DLST: variants seen among roughly 807,000 people sequenced by gnomAD.
DLST encodes dihydrolipoyllysine-residue succinyltransferase component of 2-oxoglutarate dehydrogenase complex, mitochondrial.
In DLST, 17 loss-of-function variants were observed where a neutral mutation model predicts 53.1. That is an observed-to-expected ratio of 0.32 (90% CI 0.22 to 0.48). The LOEUF (loss-of-function observed/expected upper bound fraction) is 0.48, where lower values mean the gene tolerates loss of function less well. Ranked by LOEUF, DLST falls within the 20% of genes least tolerant of loss-of-function variation. The probability of loss-of-function intolerance (pLI) is 0.99; values close to 1 mark genes in which losing one functional copy is unlikely to be tolerated. For missense variants in DLST, 512 were observed against 583.9 expected, an observed-to-expected ratio of 0.88 and a Z score of 1.27; for synonymous variants, 206 against 204.8, an observed-to-expected ratio of 1.01 and a Z score of -0.05.
chr14:74,886,179 C>T (rs922511951), intron 3 of DLST, among the ~76,000 whole-genome samples: 2 of 152,332 alleles, frequency 1.3e-5, no homozygotes, highest in Non-Finnish European at 2.9e-5. Context: ...TGCTGCTTTG[C>T]ATTCCAAGTG....
intron 9 of DLST, 125 bp from the exon 10 acceptor site, chr14:74,894,187 C>A: frequency 9.1e-7 from 1 of 1,098,848 alleles, no homozygotes; most frequent in Non-Finnish European, 1.3e-6. Flanking sequence ...GCCTGGAGCT[C>A]GTGTACTTAG....
chr14:74,901,523 A>G (rs921708610), intron 14 of DLST, among the ~76,000 whole-genome samples: 1 of 152,198 alleles, frequency 6.6e-6, no homozygotes, highest in African/African-American at 2.4e-5. Context: ...GTTTGCTTCT[A>G]TGGAGTGGGG....
chr14:74,896,111 G>A (rs1884071932), intron 10 of DLST, among the ~76,000 whole-genome samples: 1 of 152,030 alleles, frequency 6.6e-6, no homozygotes, highest in African/African-American at 2.4e-5. Flanking sequence ...CTCCTGCTTT[G>A]GTCTCCCACT....
At chr14:74,882,532 A>G in intron 1 of DLST, 59 bp from the exon 2 acceptor site, 1 of 1,585,098 alleles carries the variant, frequency 6.3e-7, no homozygotes, top group Non-Finnish European at 8.7e-7. Flanking sequence ...TACTTAAAAG[A>G]AAAAGCTGGG....
intron 3 of DLST, among the ~76,000 whole-genome samples, chr14:74,888,274 G>GTTTTTTTTTTTTTTTTTTT (rs55729619): frequency 7.6e-6 from 1 of 131,738 alleles, no homozygotes. Context: ...TTGTTTTTGG[G>GTTTTTTTTTTTTTTTTTTT]TTTTTTTTTT....
In DLST at chr14:74,902,305, C is replaced by T; in HGVS notation, c.1337C>T (p.Pro446Leu). The T allele has an allele frequency of 6.2e-7, 1 of 1,612,224 alleles. No individual in the cohort carries two copies. Among genetic ancestry groups the T allele is most frequent in the Non-Finnish European group, 8.5e-7 (1 of 1,179,362 alleles). ...LRKIKAAVED[P>L]RVLLLDL ...AAAATCAAGGCAGCGGTAGAGGATC[C>T]CAGAGTCCTCCTCCTGGATCTTTAG... The change falls in exon 15 of 15, where the codon CCC becomes CTC. Residue 446 changes from proline to leucine, a missense_variant. Physicochemically the swap from Pro to Leu is moderately conservative, Grantham distance 98. Transcript: ENST00000334220.
At chr14:74,888,723 C>A (rs1336459227) in intron 3 of DLST, among the ~76,000 whole-genome samples, 1 of 152,044 alleles carries the variant, frequency 6.6e-6, no homozygotes, top group Non-Finnish European at 1.5e-5. Context: ...AAACAAAAAA[C>A]CAAATCAAGA....
intron 13 of DLST, 113 bp downstream of exon 13, chr14:74,900,485 GAAA>G: frequency 1.1e-6 from 1 of 880,908 alleles, no homozygotes; most frequent in Non-Finnish European, 1.8e-6. Context: ...TAGCCCCTGA[GAAA>G]AGCAGTTGCC....
At chr14:74,890,504 G>A (rs1883868068) in intron 6 of DLST, among the ~76,000 whole-genome samples, 1 of 152,094 alleles carries the variant, frequency 6.6e-6, no homozygotes. Context: ...GAGGGGGTGG[G>A]GAGGGTAAAT....
chr14:74,897,938 GTTT>G (rs60311929), intron 10 of DLST, among the ~76,000 whole-genome samples: 1 of 136,964 alleles, frequency 7.3e-6, no homozygotes, highest in Non-Finnish European at 1.6e-5. Context: ...ATTTGGTGGG[GTTT>G]TTTTTTTTTT....
At position 74,902,258 on chromosome 14, in the gene DLST, A is replaced by T; in HGVS notation, c.1290A>T (p.Arg430Ser). ...LTYDHRLIDG[R>S]EAVTFLRKIK... Reference sequence around the variant, plus strand: ...ATGATCACCGGCTGATTGATGGCAGAGAGGCTGTGACTTTCCTCCGCAAAA... The same window carrying T: ...ATGATCACCGGCTGATTGATGGCAGTGAGGCTGTGACTTTCCTCCGCAAAA... Residue 430 changes from arginine (R) to serine (S), a missense_variant, in exon 15 of 15, where the codon AGA becomes AGT. By Grantham distance (110) the Arg-to-Ser change is moderately radical. Around this residue, in one of 4 missense-constraint regions of DLST, gnomAD observed 186 missense variants for 260.4 expected, o/e 0.71. Transcript: ENST00000334220. The T allele has an allele frequency of 6.2e-7, 1 of 1,613,658 alleles. No individual in the cohort carries two copies. The highest frequency in any genetic ancestry group is 2.2e-5 in the East Asian group (1 of 44,872).
In DLST at chr14:74,891,073, A is replaced by T; in HGVS notation, c.348A>T (p.Pro116=). ...IETDKTSVQV[P]SPANGVIEAL... is the part of the protein sequence containing the mutation. ...TCTTCCAGACATCTGTGCAGGTTCC[A>T]TCACCAGCAAATGGCGTGATTGAAG... The change falls in exon 7 of 15, where the codon CCA becomes CCT. Residue 116 remains proline (P), a synonymous_variant. Coordinates refer to ENST00000334220, the MANE Select transcript of DLST (RefSeq NM_001933.5). 6.2e-7 allele frequency: 1 copy of T among 1,613,324 alleles called. No individual in the cohort carries two copies. The highest frequency in any genetic ancestry group is 8.5e-7 in the Non-Finnish European group (1 of 1,179,862).
chr14:74,892,248 AATTTTTGT>A (rs1883936013), intron 7 of DLST, among the ~76,000 whole-genome samples: 1 of 152,026 alleles, frequency 6.6e-6, no homozygotes, highest in Non-Finnish European at 1.5e-5. Context: ...ACGCCCAGCT[AATTTTTGT>A]ATTTTTGGTA....
At chr14:74,894,116 GT>G (rs1306633751) in intron 9 of DLST, among the ~76,000 whole-genome samples, 195 bp from the exon 10 acceptor site, 1 of 152,192 alleles carries the variant, frequency 6.6e-6, no homozygotes, top group African/African-American at 2.4e-5. Context: ...TGAGTGAGTA[GT>G]TTTGGCCTGT....
chr14:74,898,635 G>A (rs894823561), intron 11 of DLST, 136 bp downstream of exon 11: 17 of 1,130,412 alleles, frequency 1.5e-5, no homozygotes, highest in Non-Finnish European at 1.9e-5. Flanking sequence ...TCTTCCCCAG[G>A]GATTTCTTGG....
chr14:74,899,360 C>T (rs1249594199), intron 11 of DLST, among the ~76,000 whole-genome samples: 1 of 151,928 alleles, frequency 6.6e-6, no homozygotes, highest in African/African-American at 2.4e-5. Context: ...GGACTTTCTG[C>T]GGAAATGATT....
chr14:74,887,514 G>A (rs1883748654), intron 3 of DLST, among the ~76,000 whole-genome samples: 1 of 152,090 alleles, frequency 6.6e-6, no homozygotes, highest in Non-Finnish European at 1.5e-5. Context: ...TGTGAATAAG[G>A]TACCCACTTT....
intron 14 of DLST, 134 bp from the exon 15 acceptor site, chr14:74,902,062 G>C: frequency 1.0e-6 from 1 of 988,362 alleles, no homozygotes; most frequent in South Asian, 2.9e-5. Flanking sequence ...TTGAAATACT[G>C]TAAATATGCA....
chr14:74,884,991 G>A (rs192133207), intron 2 of DLST, among the ~76,000 whole-genome samples: 1 of 152,324 alleles, frequency 6.6e-6, no homozygotes, highest in African/African-American at 2.4e-5. Context: ...CAGGGTGGAA[G>A]ACTTCAGAAA....
Sources: allele counts gnomAD v4.1 joint callset (sites outside exome capture counted in the v4.1 genomes callset), GRCh38; gene constraint gnomAD v4.1.1; regional missense constraint gnomAD v4.1.1; transcripts MANE v1.5; gene names NCBI Gene and HGNC (gene_info 2026-07-23, HGNC 2026-07-21).